Variants in ALK observed in about 807,000 individuals in gnomAD.
ALK encodes the protein ALK tyrosine kinase receptor.
In ALK, 74 loss-of-function variants were observed where a neutral mutation model predicts 163.1. The observed-to-expected ratio is 0.45, with a 90% confidence interval of 0.38 to 0.55. The LOEUF (loss-of-function observed/expected upper bound fraction) is 0.55, where lower values mean the gene tolerates loss of function less well. ALK is among the 20% of genes least tolerant of loss of function. ALK has a pLI of 0.00. For synonymous variants in ALK, 960 were observed against 843.2 expected (o/e 1.14, Z -2.40); for missense variants, 2,063 against 2,105.3 (o/e 0.98, Z 0.39).
intron 4 of ALK, among the ~76,000 whole-genome samples, chr2:29,498,227 A>G (rs956143665): frequency 2.0e-5 from 3 of 152,112 alleles, no homozygotes. Flanking sequence ...TATGACCTAA[A>G]AAATTGAAAG....
intron 3 of ALK, among the ~76,000 whole-genome samples, chr2:29,609,971 G>A (rs1675645979): frequency 6.6e-6 from 1 of 152,058 alleles, no homozygotes; most frequent in Non-Finnish European, 1.5e-5. Context: ...TTTTCCTTAG[G>A]TTGAGATAAA....
In ALK at chr2:29,246,161, A is replaced by T. The variant is rs1204657610; in HGVS notation, c.2204+4944T>A. On this transcript the variant is annotated intron_variant, in intron 12 of 28. Transcript: ENST00000389048. The surrounding 1 kb of genome is among the most constrained non-coding windows in gnomAD (Gnocchi z 4.3). ...TGGGTGGGGAGGAGATGGGGGCAGG[A>T]CTGCGGGCTGAGAAGGATGCTGGTC... 6.6e-6 allele frequency among the ~76,000 whole-genome samples: 1 copy of T among 151,114 alleles called. No homozygotes were observed. Among genetic ancestry groups the T allele is most frequent in the African/African-American group, 2.4e-5 (1 of 41,060 alleles).
At chr2:29,453,408 A>T (rs575237765) in intron 4 of ALK, among the ~76,000 whole-genome samples, 28 of 150,780 alleles carry the variant, frequency 1.9e-4, no homozygotes, top group African/African-American at 6.8e-4. Flanking sequence ...TTTTTTTTTT[A>T]ATTTTTTGGT....
chr2:29,635,585 T>G (rs1238991020), intron 3 of ALK, among the ~76,000 whole-genome samples: 4 of 152,106 alleles, frequency 2.6e-5, no homozygotes, highest in African/African-American at 9.7e-5. Flanking sequence ...TTTCTGGCCT[T>G]TAGAACTCTG....
Position 29,436,426 on chromosome 2 carries a change from A to T in ALK, c.1155-52567T>A, listed in dbSNP as rs1170982874. Among the ~76,000 whole-genome samples the T allele has an allele frequency of 3.9e-5, 6 of 152,166 alleles. No homozygotes were observed. In the East Asian group the frequency reaches 1.2e-3, roughly 29 times the overall value. ...TATTCCCCAGGGGACTGGTTTTATAACGTCATCATCTTTAAGCCAATACCT... is the reference window on the plus strand; with the variant it reads ...TATTCCCCAGGGGACTGGTTTTATATCGTCATCATCTTTAAGCCAATACCT... On this transcript the variant is annotated intron_variant, in intron 4 of 28. Coordinates refer to ENST00000389048, the MANE Select transcript of ALK (RefSeq NM_004304.5).
rs184767854 is a variant in ALK at position 29,450,978 on chromosome 2, G to A, written c.1155-67119C>T. Among the ~76,000 whole-genome samples, 166 of 152,248 alleles carry A rather than the reference G, an allele frequency of 1.1e-3. 1 individual carries two copies. The highest frequency in any genetic ancestry group is 1.9e-3 in the Non-Finnish European group (132 of 68,020). On this transcript the variant is annotated intron_variant, in intron 4 of 28. Transcript: ENST00000389048. ...ATAAGCTGCTCGAGGTGACTTTTAT[G>A]AGCCCTAAAGTTTACAAAACCCTGA...
At chr2:29,425,617 C>T (rs904456050) in intron 4 of ALK, among the ~76,000 whole-genome samples, 45 of 152,158 alleles carry the variant, frequency 3.0e-4, no homozygotes, top group African/African-American at 1.1e-3. Flanking sequence ...CTGCTCAGCA[C>T]TCTGACCATA....
intron 1 of ALK, among the ~76,000 whole-genome samples, chr2:29,793,235 T>A (rs1664231294): frequency 6.6e-6 from 1 of 152,192 alleles, no homozygotes; most frequent in Non-Finnish European, 1.5e-5. Context: ...TCAAGTTTGA[T>A]CATGAGGTTG....
intron 3 of ALK, among the ~76,000 whole-genome samples, chr2:29,684,689 T>G (rs542019192): frequency 1.1e-4 from 16 of 152,340 alleles, no homozygotes; most frequent in African/African-American, 3.6e-4. Context: ...GTATCACTGG[T>G]ATCTGGGAGA....
intron 3 of ALK, among the ~76,000 whole-genome samples, chr2:29,691,159 A>G (rs1238461509): frequency 6.6e-6 from 1 of 152,216 alleles, no homozygotes; most frequent in Non-Finnish European, 1.5e-5. Flanking sequence ...ATAACTGACT[A>G]CAAAAGTGAT....
chr2:29,674,705 G>C (rs1677819471), intron 3 of ALK, among the ~76,000 whole-genome samples: 1 of 150,572 alleles, frequency 6.6e-6, no homozygotes, highest in South Asian at 2.1e-4. Flanking sequence ...GAGTTAGGGA[G>C]GATTCCCTCT....
chr2:29,461,996 G>A (rs180901288), intron 4 of ALK, among the ~76,000 whole-genome samples: 9 of 152,212 alleles, frequency 5.9e-5, no homozygotes, highest in African/African-American at 1.2e-4. Context: ...CATCCCTCAC[G>A]GATGACTTTG....
In ALK at chr2:29,408,078, GTTCTTT is replaced by G. The variant is rs1246963179; in HGVS notation, c.1155-24225_1155-24220del. Among the ~76,000 whole-genome samples the G allele has an allele frequency of 4.4e-3, 613 of 137,954 alleles. 12 individuals are homozygous for G. The highest frequency in any genetic ancestry group is 0.017 in the African/African-American group (589 of 34,198). The allele number at this position is 137,954 out of a possible 152,430, so 90.5% of individuals were successfully genotyped here. On this transcript the variant is annotated intron_variant, in intron 4 of 28. Coordinates refer to ENST00000389048, the MANE Select transcript of ALK (RefSeq NM_004304.5). ...TTATAGGCAAAGGTACTCAGGGAAA[GTTCTTT>G]TTCTTTTTTTTTTTTTGAGATGGAG...
intron 3 of ALK, among the ~76,000 whole-genome samples, chr2:29,674,978 T>G (rs1375310684): frequency 1.3e-5 from 2 of 149,790 alleles, no homozygotes; most frequent in Non-Finnish European, 3.0e-5. Context: ...GTTTGTAGTA[T>G]TCTCTGATGG....
At chr2:29,832,812 C>G (rs1665455526) in intron 1 of ALK, among the ~76,000 whole-genome samples, 1 of 152,188 alleles carries the variant, frequency 6.6e-6, no homozygotes, top group Admixed American at 6.5e-5. Context: ...GGGCATGAAT[C>G]AAGTAAGAAT....
At chr2:29,221,334 G>A in intron 22 of ALK, 2 of 461,608 alleles carry the variant, frequency 4.3e-6, no homozygotes, top group Non-Finnish European at 8.7e-6. Flanking sequence ...CCTCATGGGA[G>A]GGACCAAGAC....
intron 11 of ALK, among the ~76,000 whole-genome samples, chr2:29,271,747 C>A (rs1665391796): frequency 6.6e-6 from 1 of 152,234 alleles, no homozygotes; most frequent in African/African-American, 2.4e-5. Flanking sequence ...GTGCTTTTCC[C>A]ATGACACTAT....
intron 12 of ALK, among the ~76,000 whole-genome samples, chr2:29,241,795 C>T (rs966986471): frequency 1.9e-4 from 29 of 152,162 alleles, no homozygotes; most frequent in African/African-American, 5.5e-4. Flanking sequence ...TAGCCATAAA[C>T]GGCAAATGTT....
chr2:29,416,351 A>G (rs1327154040), intron 4 of ALK, among the ~76,000 whole-genome samples: 2 of 152,172 alleles, frequency 1.3e-5, no homozygotes, highest in Non-Finnish European at 2.9e-5. Context: ...AGAAACTCCA[A>G]TTTGCAGGAG....
Sources: gnomAD v4.1 joint callset for allele counts (sites outside exome capture counted in the v4.1 genomes callset) on GRCh38, gnomAD v4.1.1 for gene constraint, Gnocchi (gnomAD v3.1) non-coding constraint, MANE v1.5 for transcripts, NCBI Gene and HGNC (gene_info 2026-07-23, HGNC 2026-07-21) for gene names.